BRWD3: variants seen among roughly 807,000 people sequenced by gnomAD.
The protein encoded by BRWD3 is bromodomain and WD repeat-containing protein 3.
BRWD3 carries 10 observed loss-of-function variants against 149.7 expected under a neutral mutation model. That is an observed-to-expected ratio of 0.07 (90% CI 0.04 to 0.11). BRWD3 has a LOEUF of 0.11. BRWD3 is among the 10% of genes least tolerant of loss of function. The pLI is 1.00. For missense variants in BRWD3, 940 were observed against 1,373.2 expected (o/e 0.68, Z 4.99); for synonymous variants, 504 against 456.7 (o/e 1.10, Z -1.32).
At chrX:80,746,353 G>T (rs991946104) in intron 6 of BRWD3, among the ~76,000 whole-genome samples, 6 of 110,195 alleles carry the variant, frequency 5.4e-5, no homozygotes, top group Non-Finnish European at 1.1e-4. Context: ...AACTTTAAAG[G>T]CTTCATCTCC....
rs2072348196 is a variant in BRWD3, at chrX:80,674,623, G to C, written c.*1986C>G. On this transcript the variant is annotated 3_prime_UTR_variant, in exon 41 of 41. Coordinates refer to ENST00000373275, the MANE Select transcript of BRWD3 (RefSeq NM_153252.5). ...ATGTAGTTTCAAATAGGAACGTTTT[G>C]AATCTCTACTATGGTTTAAAGTGGC... 1 of 111,490 alleles carries C rather than the reference G, an allele frequency of 9.0e-6. No homozygotes were observed. The highest frequency in any genetic ancestry group is 3.3e-5 in the African/African-American group (1 of 30,717). 9.2% of individuals were successfully genotyped at this position (111,490 alleles called of 1,213,427 possible). A position where few individuals can be genotyped will look rare whatever the true frequency, so the allele number is the denominator to read the frequency against.
intron 25 of BRWD3, among the ~76,000 whole-genome samples, chrX:80,699,664 C>T (rs2072752690): frequency 8.9e-6 from 1 of 111,767 alleles, no homozygotes; most frequent in African/African-American, 3.3e-5. Context: ...CTTATGGAGG[C>T]TCCAGAAGGT....
chrX:80,775,448 T>A (rs1314149098), intron 6 of BRWD3, among the ~76,000 whole-genome samples: 1 of 112,035 alleles, frequency 8.9e-6, no homozygotes, highest in Admixed American at 9.5e-5. Flanking sequence ...TTTTTACCAA[T>A]TCCTATCATA....
At chrX:80,739,998 TC>T (rs2073461470) in intron 8 of BRWD3, among the ~76,000 whole-genome samples, 1 of 111,733 alleles carries the variant, frequency 8.9e-6, no homozygotes, top group African/African-American at 3.3e-5. Flanking sequence ...ATGTCCCAAT[TC>T]CAGAAATAAT....
chrX:80,726,295 A>G (rs2073243646), intron 14 of BRWD3, among the ~76,000 whole-genome samples: 1 of 105,736 alleles, frequency 9.5e-6, no homozygotes, highest in East Asian at 3.0e-4. Flanking sequence ...AACATATAAC[A>G]CGTTTACATG....
intron 8 of BRWD3, among the ~76,000 whole-genome samples, chrX:80,738,980 C>T (rs1022264868): frequency 2.7e-5 from 3 of 111,782 alleles, no homozygotes; most frequent in Non-Finnish European, 5.6e-5. Flanking sequence ...TGGTCCTGAG[C>T]ACCAGTGACA....
intron 27 of BRWD3, among the ~76,000 whole-genome samples, chrX:80,694,762 T>C (rs757983584): frequency 4.7e-4 from 52 of 111,662 alleles, no homozygotes; most frequent in African/African-American, 1.5e-3. Flanking sequence ...ATCCAATACC[T>C]GTACCCCCAC....
chrX:80,771,083 G>A (rs182449402), intron 6 of BRWD3, among the ~76,000 whole-genome samples: 7 of 111,384 alleles, frequency 6.3e-5, no homozygotes, highest in African/African-American at 2.0e-4. Context: ...CTACAAACCT[G>A]CTCAGCGAAA....
At chrX:80,788,050 C>T (rs1213527522) in intron 6 of BRWD3, among the ~76,000 whole-genome samples, 2 of 108,639 alleles carry the variant, frequency 1.8e-5, no homozygotes, top group African/African-American at 6.7e-5. Context: ...CGCCACTGCA[C>T]TCCAGCCTGG....
At chrX:80,753,132 ATT>A (rs1032370366) in intron 6 of BRWD3, among the ~76,000 whole-genome samples, 4 of 111,261 alleles carry the variant, frequency 3.6e-5, no homozygotes, top group African/African-American at 1.3e-4. Flanking sequence ...ATTTGCAATT[ATT>A]TTCTCCAATT....
intron 8 of BRWD3, among the ~76,000 whole-genome samples, chrX:80,736,901 G>A (rs2073412757): frequency 8.9e-6 from 1 of 111,801 alleles, no homozygotes; most frequent in Non-Finnish European, 1.9e-5. Context: ...TGGCATGTCA[G>A]TGAGTTTTTA....
At chrX:80,749,966 T>C (rs907999263) in intron 6 of BRWD3, among the ~76,000 whole-genome samples, 3 of 111,608 alleles carry the variant, frequency 2.7e-5, no homozygotes, top group East Asian at 2.8e-4. Flanking sequence ...ATATTCAACA[T>C]AGATTCCAAG....
intron 6 of BRWD3, among the ~76,000 whole-genome samples, chrX:80,764,471 A>G (rs1315327835): frequency 9.6e-6 from 1 of 104,157 alleles, no homozygotes; most frequent in South Asian, 3.9e-4. Context: ...ACGCCTGGAT[A>G]ATTTTTTTTT....
intron 6 of BRWD3, among the ~76,000 whole-genome samples, chrX:80,783,269 C>A (rs766723499): frequency 1.8e-5 from 2 of 109,381 alleles, no homozygotes; most frequent in African/African-American, 6.7e-5. Flanking sequence ...CACCTGTAGT[C>A]CCAGCTACTA....
chrX:80,790,543 T>C (rs1361862216), intron 6 of BRWD3, among the ~76,000 whole-genome samples: 1 of 111,581 alleles, frequency 9.0e-6, no homozygotes, highest in Non-Finnish European at 1.9e-5. Context: ...CCTAAGCAAT[T>C]ACTAAAAGAA....
intron 13 of BRWD3, among the ~76,000 whole-genome samples, chrX:80,729,490 G>T (rs1347301570): frequency 9.0e-6 from 1 of 111,610 alleles, no homozygotes; most frequent in Admixed American, 9.5e-5. Context: ...ACTAAATGCT[G>T]ATTAAGTGGA....
intron 9 of BRWD3, among the ~76,000 whole-genome samples, 199 bp downstream of exon 9, chrX:80,735,789 G>A (rs1656412151): frequency 2.0e-5 from 2 of 99,954 alleles, no homozygotes; most frequent in Non-Finnish European, 4.0e-5. Flanking sequence ...GGGCAACAGA[G>A]CGAGACTCTG....
At chrX:80,712,307 C>T (rs1304146049) in intron 20 of BRWD3, among the ~76,000 whole-genome samples, 1 of 111,093 alleles carries the variant, frequency 9.0e-6, no homozygotes, top group African/African-American at 3.3e-5. Flanking sequence ...CGCCGCCACA[C>T]CTGACTGGTT....
chrX:80,735,422 T>A (rs2073389295), intron 9 of BRWD3, among the ~76,000 whole-genome samples: 1 of 111,746 alleles, frequency 8.9e-6, no homozygotes, highest in South Asian at 3.7e-4. Context: ...TTAACCATAT[T>A]ACTTACTACT....
Sources: gnomAD v4.1 joint callset for allele counts (sites outside exome capture counted in the v4.1 genomes callset) on GRCh38, gnomAD v4.1.1 for gene constraint, MANE v1.5 for transcripts, NCBI Gene and HGNC (gene_info 2026-07-23, HGNC 2026-07-21) for gene names.